The following LEMD1 variants were observed in gnomAD, a reference collection of about 807,000 sequenced individuals.
LEMD1 encodes LEM domain containing 1.
LEMD1 carries 18 observed loss-of-function variants against 17.4 expected under a neutral mutation model. The ratio of observed to expected loss-of-function variants is 1.04; its 90% confidence interval spans 0.72 to 1.54. The LOEUF (loss-of-function observed/expected upper bound fraction) is 1.54. Ranked by LOEUF, LEMD1 falls within the 40% of genes most tolerant of loss-of-function variation. The pLI is 0.00. For missense variants in LEMD1, 195 were observed against 210.4 expected, an observed-to-expected ratio of 0.93 and a Z score of 0.45; for synonymous variants, 88 against 77.8, an observed-to-expected ratio of 1.13 and a Z score of -0.69.
chr1:205,421,128 A>G (rs1009494008), intron 1 of LEMD1, among the ~76,000 whole-genome samples: 7 of 152,168 alleles, frequency 4.6e-5, no homozygotes, highest in African/African-American at 1.7e-4. Flanking sequence ...CAGACTTAGT[A>G]ATTGCTGAAT....
chr1:205,399,326 A>G (rs1558717600), intron 4 of LEMD1, among the ~76,000 whole-genome samples: 2 of 152,214 alleles, frequency 1.3e-5, no homozygotes, highest in Non-Finnish European at 2.9e-5. Context: ...ATAAAAGTGA[A>G]TGATTAGAAA....
rs1666293030 is a variant in LEMD1 at position 205,441,457 on chromosome 1, G to T, written c.-39+8411C>A. ...TCCGGCTTGTGCCACCTTACACCAGGTTCTAGCTGGGGGCTTCCACTCGCT... is the reference window on the plus strand; with the variant it reads ...TCCGGCTTGTGCCACCTTACACCAGTTTCTAGCTGGGGGCTTCCACTCGCT... On this transcript the variant is annotated intron_variant, in intron 1 of 3. Coordinates refer to the LEMD1 transcript ENST00000367154. This position sits in a 1 kb window ranked among gnomAD's most constrained non-coding sequence, Gnocchi z 4.3. 1.3e-5 allele frequency among the ~76,000 whole-genome samples: 2 copies of T among 152,138 alleles called. No individual in the cohort carries two copies. Among genetic ancestry groups the T allele is most frequent in the South Asian group, 4.1e-4 (2 of 4,824 alleles).
At chr1:205,422,255 G>A (rs1665985982), upstream of LEMD1, among the ~76,000 whole-genome samples, 1 of 152,174 alleles carries the variant, frequency 6.6e-6, no homozygotes, top group Non-Finnish European at 1.5e-5. Flanking sequence ...AAGAGATGCG[G>A]AGAAGTTATC....
At chr1:205,427,783 A>T (rs1374754033) in intron 1 of LEMD1, among the ~76,000 whole-genome samples, 1 of 152,158 alleles carries the variant, frequency 6.6e-6, no homozygotes, top group Non-Finnish European at 1.5e-5. Context: ...ATGGAGAAGG[A>T]ATGAGGCTGA....
At chr1:205,390,705 A>G (rs1270940723) in intron 4 of LEMD1, among the ~76,000 whole-genome samples, 1 of 152,256 alleles carries the variant, frequency 6.6e-6, no homozygotes, top group Non-Finnish European at 1.5e-5. Flanking sequence ...AATTTAAAAT[A>G]TGCTTTAAAA....
chr1:205,414,281 A>G (rs1438669291), intron 4 of LEMD1, among the ~76,000 whole-genome samples: 1 of 152,062 alleles, frequency 6.6e-6, no homozygotes, highest in Non-Finnish European at 1.5e-5. Flanking sequence ...GCAATTGTTC[A>G]AATAAAATAA....
At chr1:205,388,784 T>C (rs1352521012) in intron 4 of LEMD1, among the ~76,000 whole-genome samples, 1 of 152,196 alleles carries the variant, frequency 6.6e-6, no homozygotes, top group East Asian at 1.9e-4. Context: ...TTTTAGTCAA[T>C]AGTTCCATTC....
In LEMD1 at chr1:205,419,285, A is replaced by G. The variant is rs747139334; in HGVS notation, c.150T>C (p.Pro50=). 8 of 1,614,224 alleles carry G rather than the reference A, an allele frequency of 5.0e-6. No homozygotes were observed. The South Asian group carries it at 7.7e-5, about 16-fold the overall frequency. Residue 50 remains proline, a synonymous_variant, in exon 3 of 6, where the codon CCT becomes CCC. Coordinates refer to ENST00000367153, the MANE Select transcript of LEMD1 (RefSeq NM_001199050.2). ...QLLVSPPCAP[P]VMNGPRELDG... is the part of the protein sequence containing the mutation. ...CCAGCTCTCTGGGTCCATTCATCACAGGTGGTGCACAGGGAGGTGAGACCA... is the reference window on the plus strand; with the variant it reads ...CCAGCTCTCTGGGTCCATTCATCACGGGTGGTGCACAGGGAGGTGAGACCA...
intron 4 of LEMD1, among the ~76,000 whole-genome samples, chr1:205,398,948 C>T (rs914961543): frequency 6.6e-6 from 1 of 152,142 alleles, no homozygotes; most frequent in Admixed American, 6.6e-5. Context: ...AGTGTGGTGA[C>T]TCACGCTTGT....
intron 2 of LEMD1, among the ~76,000 whole-genome samples, chr1:205,420,022 A>G (rs1417577417): frequency 2.0e-5 from 3 of 152,210 alleles, no homozygotes; most frequent in African/African-American, 7.2e-5. Flanking sequence ...CTGATGAAAA[A>G]CACCCAATCC....
At chr1:205,386,198 A>C (rs1347309111) in intron 4 of LEMD1, 1 of 152,822 alleles carries the variant, frequency 6.5e-6, no homozygotes, top group African/African-American at 2.4e-5. Context: ...TGGGGAGGGC[A>C]TGGCTTGCTG....
At chr1:205,419,133 G>T in intron 3 of LEMD1, 97 bp downstream of exon 3, 1 of 1,418,170 alleles carries the variant, frequency 7.1e-7, no homozygotes. Context: ...CTATTTCACA[G>T]GTCAGGCTGC....
intron 4 of LEMD1, among the ~76,000 whole-genome samples, chr1:205,393,661 G>T (rs1447062305): frequency 7.8e-6 from 1 of 128,346 alleles, no homozygotes; most frequent in Non-Finnish European, 1.6e-5. Context: ...GGGTGACAGA[G>T]AGAGACTCTG....
At position 205,448,448 on chromosome 1, in the gene LEMD1, C is replaced by A; in HGVS notation, c.-39+1420G>T. The A allele has an allele frequency of 1.9e-6, 1 of 529,674 alleles. No homozygotes were observed. The allele number at this position is 529,674 out of a possible 1,614,324, so 32.8% of individuals were successfully genotyped here. On this transcript the variant is annotated intron_variant, in intron 1 of 3. Coordinates refer to the LEMD1 transcript ENST00000367154. The surrounding 1 kb of genome is among the most constrained non-coding windows in gnomAD (Gnocchi z 4.7). ...ATAGGGAAGCGAGAAGCTGGGGCAC[C>A]CGAGAAGCCCTCACTCCCCTTCTCA...
At chr1:205,391,682 C>T (rs904283740) in intron 4 of LEMD1, among the ~76,000 whole-genome samples, 3 of 152,138 alleles carry the variant, frequency 2.0e-5, no homozygotes, top group Non-Finnish European at 4.4e-5. Flanking sequence ...AGGCATCCCC[C>T]GCCTCCACGC....
At chr1:205,391,586 C>T (rs1664336329) in intron 4 of LEMD1, among the ~76,000 whole-genome samples, 2 of 152,194 alleles carry the variant, frequency 1.3e-5, no homozygotes, top group African/African-American at 4.8e-5. Context: ...GGACTTTCAC[C>T]TCCATGTGGC....
intron 4 of LEMD1, among the ~76,000 whole-genome samples, chr1:205,393,135 A>G (rs1201046538): frequency 1.3e-5 from 2 of 152,138 alleles, no homozygotes. Context: ...TCTAGAATAT[A>G]TAAAGAATTC....
intron 1 of LEMD1, among the ~76,000 whole-genome samples, chr1:205,431,327 C>T (rs1300891195): frequency 6.6e-6 from 1 of 152,194 alleles, no homozygotes; most frequent in Non-Finnish European, 1.5e-5. Flanking sequence ...TGCACACTTG[C>T]GATTCCTAAT....
rs1468121025 is a variant in LEMD1 at position 205,420,546 on chromosome 1, A to T, written c.-10T>A. Reference sequence around the variant, plus strand: ...ACTTCACATCCACCATGATGATAGAAGTTTGGCCTCTTTTCTGATGGTAGA... The same window carrying T: ...ACTTCACATCCACCATGATGATAGATGTTTGGCCTCTTTTCTGATGGTAGA... On this transcript the variant is annotated 5_prime_UTR_variant, in exon 2 of 6. Transcript: ENST00000367153. The T allele has an allele frequency of 2.5e-6, 4 of 1,609,880 alleles. No homozygotes were observed. In the African/African-American group the frequency reaches 5.3e-5, roughly 22 times the overall value.
Sources: allele counts gnomAD v4.1 joint callset (sites outside exome capture counted in the v4.1 genomes callset), GRCh38; gene constraint gnomAD v4.1.1; non-coding constraint Gnocchi (gnomAD v3.1); transcripts MANE v1.5; gene names NCBI Gene and HGNC (gene_info 2026-07-23, HGNC 2026-07-21).